Variants in ANKRD12 observed in about 807,000 individuals in gnomAD.
ANKRD12 encodes the protein ankyrin repeat domain-containing protein 12.
Under a neutral mutation model 183.4 loss-of-function variants are expected in ANKRD12, and 85 were observed. The observed-to-expected ratio is 0.46, with a 90% CI of 0.39 to 0.56. The LOEUF is 0.56. Ranked by LOEUF, ANKRD12 falls within the 20% of genes least tolerant of loss-of-function variation. The probability of loss-of-function intolerance (pLI) is 0.00; values close to 1 mark genes in which losing one functional copy is unlikely to be tolerated. For synonymous variants in ANKRD12, 914 were observed against 800.2 expected, an observed-to-expected ratio of 1.14 and a Z score of -2.40; for missense variants, 2,405 against 2,357.1, an observed-to-expected ratio of 1.02 and a Z score of -0.42.
chr18:9,209,455 C>T (rs1481588358), intron 5 of ANKRD12, among the ~76,000 whole-genome samples: 1 of 152,134 alleles, frequency 6.6e-6, no homozygotes, highest in Admixed American at 6.5e-5. Context: ...CTCTGGGTTA[C>T]GTAACAGTCC....
At chr18:9,205,056 T>G (rs2035400855) in intron 4 of ANKRD12, among the ~76,000 whole-genome samples, 1 of 152,204 alleles carries the variant, frequency 6.6e-6, no homozygotes, top group Non-Finnish European at 1.5e-5. Context: ...AATTTAACTA[T>G]AACTGAATTA....
intron 1 of ANKRD12, among the ~76,000 whole-genome samples, chr18:9,178,793 C>T (rs946788375): frequency 2.6e-5 from 4 of 152,102 alleles, no homozygotes; most frequent in Non-Finnish European, 5.9e-5. Flanking sequence ...CATGGCATAT[C>T]TTTCCATATA....
intron 6 of ANKRD12, 150 bp downstream of exon 6, chr18:9,211,934 A>T (rs1228128912): frequency 4.7e-6 from 3 of 641,730 alleles, no homozygotes; most frequent in Admixed American, 6.0e-5. Flanking sequence ...GTTCGTACAT[A>T]AAACCCCTGA....
At chr18:9,262,634 A>T (rs973623910) in intron 9 of ANKRD12, among the ~76,000 whole-genome samples, 3 of 147,726 alleles carry the variant, frequency 2.0e-5, no homozygotes, top group Non-Finnish European at 3.0e-5. Flanking sequence ...TAATTTTTAA[A>T]TTTTTTTTTT....
chr18:9,172,895 T>G (rs905290143), intron 1 of ANKRD12, among the ~76,000 whole-genome samples: 41 of 151,878 alleles, frequency 2.7e-4, no homozygotes, highest in African/African-American at 9.4e-4. Context: ...TTTTTTTGTT[T>G]TTTGTTTTTT....
intron 2 of ANKRD12, among the ~76,000 whole-genome samples, chr18:9,191,674 C>T (rs894135297): frequency 6.6e-6 from 1 of 152,164 alleles, no homozygotes; most frequent in South Asian, 2.1e-4. Context: ...GCTTTGACTT[C>T]TGAGGCCTTG....
At chr18:9,185,012 C>T (rs533544240) in intron 2 of ANKRD12, among the ~76,000 whole-genome samples, 98 of 152,198 alleles carry the variant, frequency 6.4e-4, no homozygotes, top group Non-Finnish European at 9.6e-4. Context: ...CAGCGATAGC[C>T]TAATAGTAGA....
chr18:9,218,055 TA>T (rs1407765626), intron 7 of ANKRD12, among the ~76,000 whole-genome samples: 1 of 152,188 alleles, frequency 6.6e-6, no homozygotes, highest in Non-Finnish European at 1.5e-5. Flanking sequence ...AGTGCCCTTT[TA>T]AAAAATATTA....
At chr18:9,174,574 A>C (rs553141536) in intron 1 of ANKRD12, among the ~76,000 whole-genome samples, 2 of 152,132 alleles carry the variant, frequency 1.3e-5, no homozygotes, top group Admixed American at 6.6e-5. Context: ...GGGTTACACA[A>C]TCACTCACTG....
rs767741194 is a variant in ANKRD12, at chr18:9,239,267, C to T, written c.944-14944C>T. Among the ~76,000 whole-genome samples, 7 of 152,272 alleles carry T rather than the reference C, an allele frequency of 4.6e-5. 1 individual carries two copies. The highest frequency in any genetic ancestry group is 4.8e-5 in the African/African-American group (2 of 41,542). On this transcript the variant is annotated intron_variant, in intron 8 of 12. Coordinates refer to ENST00000262126, the MANE Select transcript of ANKRD12 (RefSeq NM_015208.5). Reference sequence around the variant, plus strand: ...CGCTACTAATTCTTTTAATTGCTGTCGCTTCTGAAAATTGTAGCTATGAAA... The same window carrying T: ...CGCTACTAATTCTTTTAATTGCTGTTGCTTCTGAAAATTGTAGCTATGAAA...
chr18:9,172,620 C>G lies in ANKRD12; in HGVS notation c.-51-9762C>G, dbSNP rs530323143. 1.5e-3 allele frequency among the ~76,000 whole-genome samples: 227 copies of G among 152,282 alleles called. 1 individual carries two copies. Among genetic ancestry groups the G allele is most frequent in the South Asian group, 8.9e-3 (43 of 4,828 alleles). On this transcript the variant is annotated intron_variant, in intron 1 of 12. Coordinates refer to ENST00000262126, the MANE Select transcript of ANKRD12 (RefSeq NM_015208.5). The stretch of plus-strand genomic sequence containing the variant: ...CTGGCTATACTGCTTAGAAGCTCCT[C>G]CATTTTATCATGATTCTTAGCTTCT...
intron 8 of ANKRD12, among the ~76,000 whole-genome samples, chr18:9,225,472 TAAAAA>T (rs200715342): frequency 1.5e-5 from 1 of 68,530 alleles, no homozygotes; most frequent in South Asian, 9.1e-4. Context: ...AGACTATCTT[TAAAAA>T]AAAAAAAAAA....
intron 10 of ANKRD12, among the ~76,000 whole-genome samples, chr18:9,265,639 A>G (rs559813982): frequency 6.6e-6 from 1 of 152,318 alleles, no homozygotes; most frequent in South Asian, 2.1e-4. Context: ...ACCCATCATC[A>G]AAGACCAAAG....
intron 9 of ANKRD12, among the ~76,000 whole-genome samples, chr18:9,261,084 C>G (rs1003680066): frequency 6.6e-6 from 1 of 151,988 alleles, no homozygotes. Context: ...GAACCCATTT[C>G]CTTCACTCCC....
At chr18:9,248,870 C>T (rs2038118155) in intron 8 of ANKRD12, among the ~76,000 whole-genome samples, 1 of 152,176 alleles carries the variant, frequency 6.6e-6, no homozygotes, top group Non-Finnish European at 1.5e-5. Context: ...TGTTTGGCAC[C>T]TCTTCAGATT....
chr18:9,183,649 T>C (rs1429064063), intron 2 of ANKRD12, among the ~76,000 whole-genome samples: 1 of 150,814 alleles, frequency 6.6e-6, no homozygotes, highest in South Asian at 2.1e-4. Context: ...TGGAATCATA[T>C]TATCTGTGAA....
chr18:9,269,189 T>C (rs893336832), intron 10 of ANKRD12, among the ~76,000 whole-genome samples: 2 of 152,172 alleles, frequency 1.3e-5, no homozygotes, highest in Non-Finnish European at 2.9e-5. Context: ...AAAATGGCCA[T>C]ACTGCCCAAG....
At chr18:9,223,245 C>T (rs939471028) in intron 8 of ANKRD12, among the ~76,000 whole-genome samples, 3 of 151,026 alleles carry the variant, frequency 2.0e-5, no homozygotes, top group Non-Finnish European at 4.4e-5. Context: ...CATGGTGAAA[C>T]CCCACCTCTC....
At chr18:9,157,268 A>G (rs951000062) in intron 1 of ANKRD12, among the ~76,000 whole-genome samples, 1 of 152,164 alleles carries the variant, frequency 6.6e-6, no homozygotes, top group African/African-American at 2.4e-5. Flanking sequence ...GAACAAAATA[A>G]CATGAAGCCT....
Sources: allele counts gnomAD v4.1 joint callset (sites outside exome capture counted in the v4.1 genomes callset), GRCh38; gene constraint gnomAD v4.1.1; transcripts MANE v1.5; gene names NCBI Gene and HGNC (gene_info 2026-07-23, HGNC 2026-07-21).